The following TSPAN7 variants were observed in gnomAD, a reference collection of about 807,000 sequenced individuals.
The protein encoded by TSPAN7 is tetraspanin-7.
Under a neutral mutation model 17.6 loss-of-function variants are expected in TSPAN7, and 1 was observed. The ratio of observed to expected loss-of-function variants is 0.06; its 90% CI spans 0.02 to 0.27. The LOEUF is 0.27. TSPAN7 is among the 10% of genes least tolerant of loss of function. The pLI, the probability that TSPAN7 is intolerant of heterozygous loss-of-function variation, is 1.00. For synonymous variants in TSPAN7, 78 were observed against 79.0 expected, an observed-to-expected ratio of 0.99 and a Z score of 0.07; for missense variants, 112 against 201.7, an observed-to-expected ratio of 0.56 and a Z score of 2.69.
chrX:38,667,832 A>T (rs1420179172), intron 2 of TSPAN7, among the ~76,000 whole-genome samples: 1 of 111,649 alleles, frequency 9.0e-6, no homozygotes, highest in Non-Finnish European at 1.9e-5. Flanking sequence ...CATAGTCCTC[A>T]ACTCCAGATA....
At chrX:38,671,335 C>T in intron 2 of TSPAN7, 41 bp from the exon 3 acceptor site, 1 of 1,183,065 alleles carries the variant, frequency 8.5e-7, no homozygotes, top group Non-Finnish European at 1.2e-6. Flanking sequence ...TCTTCTTAAT[C>T]CTGATGTATC....
At chrX:38,602,678 G>A (rs759490710) in intron 1 of TSPAN7, among the ~76,000 whole-genome samples, 1 of 111,989 alleles carries the variant, frequency 8.9e-6, no homozygotes, top group Non-Finnish European at 1.9e-5. Context: ...TATAAAAGCA[G>A]GGTAAGAGAA....
intron 1 of TSPAN7, chrX:38,563,001 C>G: frequency 3.1e-6 from 3 of 970,643 alleles, no homozygotes; most frequent in Non-Finnish European, 4.0e-6. Context: ...TATGAGGTAC[C>G]GAGAATCAGC....
At chrX:38,593,152 A>AC (rs1198147680) in intron 1 of TSPAN7, among the ~76,000 whole-genome samples, 1 of 110,275 alleles carries the variant, frequency 9.1e-6, no homozygotes, top group Non-Finnish European at 1.9e-5. Flanking sequence ...TCCATATGTA[A>AC]CTTTTTTTCC....
At chrX:38,577,675 AG>A (rs1424327333) in intron 1 of TSPAN7, among the ~76,000 whole-genome samples, 16 of 21,746 alleles carry the variant, frequency 7.4e-4, no homozygotes, top group African/African-American at 2.7e-3. Flanking sequence ...GGGTGGGGGG[AG>A]GGGGGAGGGA....
chrX:38,602,752 T>G (rs1014619434), intron 1 of TSPAN7, among the ~76,000 whole-genome samples: 1 of 110,730 alleles, frequency 9.0e-6, no homozygotes, highest in Non-Finnish European at 1.9e-5. Context: ...CTCTCAAAGG[T>G]GGTAACATTG....
chrX:38,661,960 C>T (rs2069748717), intron 1 of TSPAN7, among the ~76,000 whole-genome samples: 1 of 111,661 alleles, frequency 9.0e-6, no homozygotes, highest in Non-Finnish European at 1.9e-5. Flanking sequence ...AAAATTTATA[C>T]ATATGATAGT....
chrX:38,661,138 AT>A (rs1251847433), intron 1 of TSPAN7, among the ~76,000 whole-genome samples: 1 of 111,998 alleles, frequency 8.9e-6, no homozygotes, highest in Non-Finnish European at 1.9e-5. Context: ...AGAGAGACTT[AT>A]CAGTATTAGC....
At chrX:38,674,078 C>T (rs1431449730) in intron 3 of TSPAN7, 143 bp from the exon 4 acceptor site, 1 of 523,319 alleles carries the variant, frequency 1.9e-6, no homozygotes, top group Non-Finnish European at 3.4e-6. Flanking sequence ...GCTTTTCCAT[C>T]TCAGAAAATG....
At chrX:38,672,254 CAGAG>C (rs966381172) in intron 3 of TSPAN7, among the ~76,000 whole-genome samples, 1 of 109,048 alleles carries the variant, frequency 9.2e-6, no homozygotes, top group Non-Finnish European at 1.9e-5. Flanking sequence ...AGGTGGAAAA[CAGAG>C]AGTGTTACTG....
In TSPAN7 at chrX:38,661,654, C is replaced by A. The variant is rs756651181; in HGVS notation, c.82-4467C>A. On this transcript the variant is annotated intron_variant, in intron 1 of 7. Coordinates refer to ENST00000378482, the MANE Select transcript of TSPAN7 (RefSeq NM_004615.4). ...GTCTCCTATCTCTCTCCTCCCCGAA[C>A]CACAGCGTTGGCTGCTTGCTGGTCA... Among the ~76,000 whole-genome samples, 3 of 111,697 alleles carry A rather than the reference C, an allele frequency of 2.7e-5. No individual in the cohort carries two copies. In the East Asian group the frequency reaches 8.5e-4, roughly 31 times the overall value.
At chrX:38,637,002 G>A (rs993717844) in intron 1 of TSPAN7, among the ~76,000 whole-genome samples, 3 of 112,303 alleles carry the variant, frequency 2.7e-5, no homozygotes, top group African/African-American at 9.7e-5. Context: ...CAGTCCTGTT[G>A]AAGAAACATC....
chrX:38,643,333 G>A (rs191487807), intron 1 of TSPAN7, among the ~76,000 whole-genome samples: 3 of 110,149 alleles, frequency 2.7e-5, no homozygotes, highest in East Asian at 2.8e-4. Context: ...AGCCACAAGG[G>A]GGGGAATGTG....
intron 1 of TSPAN7, among the ~76,000 whole-genome samples, chrX:38,567,540 C>T (rs2069149650): frequency 8.9e-6 from 1 of 112,349 alleles, no homozygotes; most frequent in South Asian, 3.7e-4. Flanking sequence ...TGAGTGGGGA[C>T]ACAGCCAAAC....
chrX:38,588,301 C>CA (rs1397288348), intron 1 of TSPAN7, among the ~76,000 whole-genome samples: 1 of 110,698 alleles, frequency 9.0e-6, no homozygotes, highest in Non-Finnish European at 1.9e-5. Flanking sequence ...TGCATGATGG[C>CA]AAAAAATGAG....
chrX:38,618,103 G>A (rs2069466424), intron 1 of TSPAN7, among the ~76,000 whole-genome samples: 1 of 111,876 alleles, frequency 8.9e-6, no homozygotes, highest in African/African-American at 3.3e-5. Context: ...CCATCACTGG[G>A]AAGGACCATA....
chrX:38,675,794 C>T lies in TSPAN7; in HGVS notation c.531C>T (p.Asn177=), dbSNP rs761317239. The change falls in exon 5 of 8, where the codon AAC becomes AAT. Residue 177 remains asparagine, a synonymous_variant. Coordinates refer to ENST00000378482, the MANE Select transcript of TSPAN7 (RefSeq NM_004615.4). Reference sequence around the variant, plus strand: ...GCATCCCCCCCAGCTGCTGCATGAACGAAACTGATTGTAATCCCCAGGATC... The same window carrying T: ...GCATCCCCCCCAGCTGCTGCATGAATGAAACTGATTGTAATCCCCAGGATC... ...EHGIPPSCCM[N]ETDCNPQDLH... is the part of the protein sequence containing the mutation. 4.2e-5 allele frequency: 50 copies of T among 1,191,137 alleles called. No individual in the cohort carries two copies. Among genetic ancestry groups the T allele is most frequent in the African/African-American group, 1.9e-4 (10 of 52,066 alleles).
At chrX:38,634,984 C>T (rs2069571762) in intron 1 of TSPAN7, among the ~76,000 whole-genome samples, 1 of 110,449 alleles carries the variant, frequency 9.1e-6, no homozygotes, top group Non-Finnish European at 1.9e-5. Flanking sequence ...GCAAAGGCCA[C>T]AAGGGGAGAA....
intron 1 of TSPAN7, chrX:38,646,308 C>A: frequency 2.6e-6 from 3 of 1,152,622 alleles, no homozygotes; most frequent in Non-Finnish European, 3.4e-6. Context: ...GTGGCTATGG[C>A]TTTGGTAAGT....
Sources: gnomAD v4.1 joint callset for allele counts (sites outside exome capture counted in the v4.1 genomes callset) on GRCh38, gnomAD v4.1.1 for gene constraint, MANE v1.5 for transcripts, NCBI Gene and HGNC (gene_info 2026-07-23, HGNC 2026-07-21) for gene names.